RGP1: variants seen among roughly 807,000 people sequenced by gnomAD.
RGP1 encodes the protein RGP1 partner of RAB6A GEF complex.
A neutral mutation model predicts 44.5 loss-of-function variants in RGP1; 28 were observed. That is an observed-to-expected ratio of 0.63 (90% CI 0.47 to 0.86). The LOEUF is 0.86. Ranked by LOEUF, RGP1 falls within the 40% of genes least tolerant of loss-of-function variation. The pLI is 0.00. For missense variants in RGP1, 417 were observed against 490.7 expected, an observed-to-expected ratio of 0.85 and a Z score of 1.42; for synonymous variants, 212 against 196.7, an observed-to-expected ratio of 1.08 and a Z score of -0.65.
In RGP1 at chr9:35,751,288, C is replaced by G. The variant is rs1370517418; in HGVS notation, c.510C>G (p.Pro170=). ...VLTGLQDVRF[P]QDEAVAPSSP... Reference sequence around the variant, plus strand: ...TAGGCCTTCAGGATGTCCGGTTTCCCCAGGATGAGGCTGTAGCCCCATCCA... The same window carrying G: ...TAGGCCTTCAGGATGTCCGGTTTCCGCAGGATGAGGCTGTAGCCCCATCCA... Residue 170 remains proline, a synonymous_variant, in exon 6 of 9, where the codon CCC becomes CCG. Transcript: ENST00000378078. 6.2e-7 allele frequency: 1 copy of G among 1,613,942 alleles called. No homozygotes were observed. Among genetic ancestry groups the G allele is most frequent in the East Asian group, 2.2e-5 (1 of 44,886 alleles).
the RGP1 span, among the ~76,000 whole-genome samples, chr9:35,769,607 C>T: frequency 6.6e-6 from 1 of 152,078 alleles, no homozygotes; most frequent in Non-Finnish European, 1.5e-5. Flanking sequence ...GTGCTGTGAT[C>T]TAATAATGAT....
chr9:35,785,995 C>T, the RGP1 span, among the ~76,000 whole-genome samples: 2 of 152,182 alleles, frequency 1.3e-5, no homozygotes, highest in Non-Finnish European at 2.9e-5. Flanking sequence ...ACCAATCTTA[C>T]ATCGCCACTG....
the RGP1 span, among the ~76,000 whole-genome samples, chr9:35,764,165 GT>G: frequency 6.6e-6 from 1 of 152,056 alleles, no homozygotes; most frequent in Non-Finnish European, 1.5e-5. Flanking sequence ...GAAGTGAAGT[GT>G]TTTGTTTTCC....
chr9:35,775,686 T>C, the RGP1 span, among the ~76,000 whole-genome samples: 1 of 152,234 alleles, frequency 6.6e-6, no homozygotes, highest in Non-Finnish European at 1.5e-5. Context: ...TTTGGTCATA[T>C]ACTACTGATC....
chr9:35,787,310 A>C, the RGP1 span, among the ~76,000 whole-genome samples: 1 of 151,300 alleles, frequency 6.6e-6, no homozygotes, highest in Non-Finnish European at 1.5e-5. Context: ...GCTCACTGCA[A>C]CCTCCACCTC....
In RGP1 at chr9:35,753,581, C is replaced by T; in HGVS notation, c.*707C>T. 5 of 1,211,740 alleles carry T rather than the reference C, an allele frequency of 4.1e-6. No individual in the cohort carries two copies. Among genetic ancestry groups the T allele is most frequent in the Non-Finnish European group, 6.0e-6 (5 of 839,242 alleles). 75.1% of individuals were successfully genotyped at this position (1,211,740 alleles called of 1,614,324 possible). A position where few individuals can be genotyped will look rare whatever the true frequency, so the allele number is the denominator to read the frequency against. ...TGCTCTTCTGTTCATTCTTACATCA[C>T]AGCAATCTAGTCACTCCCTGGTCAT... On this transcript the variant is annotated 3_prime_UTR_variant, in exon 9 of 9. Coordinates refer to ENST00000378078, the MANE Select transcript of RGP1 (RefSeq NM_001080496.3). The surrounding 1 kb of genome is among the most constrained non-coding windows in gnomAD (Gnocchi z 4.2).
At chr9:35,760,974 C>G (rs921869103), downstream of RGP1, among the ~76,000 whole-genome samples, 1 of 152,228 alleles carries the variant, frequency 6.6e-6, no homozygotes, top group Non-Finnish European at 1.5e-5. Context: ...AGGGACTCAG[C>G]CATACTTCCT....
chr9:35,773,659 G>T, the RGP1 span, among the ~76,000 whole-genome samples: 1 of 151,888 alleles, frequency 6.6e-6, no homozygotes, highest in Non-Finnish European at 1.5e-5. Flanking sequence ...ATGCCACTAG[G>T]CCTGGCTAAT....
downstream of RGP1, among the ~76,000 whole-genome samples, chr9:35,762,904 TC>T (rs1308731770): frequency 6.6e-6 from 1 of 152,172 alleles, no homozygotes; most frequent in East Asian, 1.9e-4. Flanking sequence ...TTCAAGGTGT[TC>T]CTTTTATTGA....
At chr9:35,777,542 A>T in the RGP1 span, among the ~76,000 whole-genome samples, 3 of 151,630 alleles carry the variant, frequency 2.0e-5, no homozygotes, top group African/African-American at 7.3e-5. Flanking sequence ...CTGGTTTCAA[A>T]CTTTGGCCTC....
At chr9:35,765,580 G>A in the RGP1 span, among the ~76,000 whole-genome samples, 1 of 150,778 alleles carries the variant, frequency 6.6e-6, no homozygotes. Flanking sequence ...TCATCTGAGT[G>A]TAGGAGGCGG....
At chr9:35,768,536 G>GA in the RGP1 span, among the ~76,000 whole-genome samples, 1 of 152,132 alleles carries the variant, frequency 6.6e-6, no homozygotes, top group African/African-American at 2.4e-5. Context: ...ACCACACTCA[G>GA]AAAAAATAGT....
chr9:35,777,538 TC>T, the RGP1 span, among the ~76,000 whole-genome samples: 1 of 151,802 alleles, frequency 6.6e-6, no homozygotes, highest in Non-Finnish European at 1.5e-5. Context: ...CAGGCTGGTT[TC>T]AAACTTTGGC....
At chr9:35,772,279 G>A in the RGP1 span, 6 of 152,226 alleles carry the variant, frequency 3.9e-5, no homozygotes, top group African/African-American at 1.4e-4. Context: ...GGGGAGCTTC[G>A]AGCTCAGAGG....
rs1481715207 is a variant in RGP1, at chr9:35,749,342, A to C, written c.-86A>C. 1 of 535,368 alleles carries C rather than the reference A, an allele frequency of 1.9e-6. No homozygotes were observed. Among genetic ancestry groups the C allele is most frequent in the Admixed American group, 2.0e-5 (1 of 51,228 alleles). The allele number at this position is 535,368 out of a possible 1,614,324, so 33.2% of individuals were successfully genotyped here. A position where few individuals can be genotyped will look rare whatever the true frequency, so the allele number is the denominator to read the frequency against. ...CCGCCGCCGCCGCCGCCGCGTACCT[A>C]GCCAGGTCCCTGAGGGGCGGGCAGA... On this transcript the variant is annotated 5_prime_UTR_variant, in exon 1 of 9. Transcript: ENST00000378078. This position sits in a 1 kb window ranked among gnomAD's most constrained non-coding sequence, Gnocchi z 4.4.
the RGP1 span, among the ~76,000 whole-genome samples, chr9:35,769,632 A>T: frequency 6.6e-6 from 1 of 152,196 alleles, no homozygotes; most frequent in Non-Finnish European, 1.5e-5. Context: ...AGGTAATCAG[A>T]TGAAAAGTCG....
Position 35,752,847 on chromosome 9 carries a change from C to A in RGP1, c.1149C>A (p.Gly383=). ...CCCTGGCCTCATATGCTGCCCCAGG[C>A]CCCAGCACCAGCACCATAACCATCT... ...SPTLASYAAP[G]PSTSTITI Residue 383 remains glycine, a synonymous_variant, in exon 9 of 9, where the codon GGC becomes GGA. Transcript: ENST00000378078. 6.2e-7 allele frequency: 1 copy of A among 1,613,788 alleles called. No homozygotes were observed. The highest frequency in any genetic ancestry group is 1.3e-5 in the African/African-American group (1 of 75,006).
At chr9:35,782,762 T>C in the RGP1 span, among the ~76,000 whole-genome samples, 2 of 151,056 alleles carry the variant, frequency 1.3e-5, no homozygotes, top group Non-Finnish European at 2.9e-5. Flanking sequence ...AACAGACTTT[T>C]AACTATTTTA....
downstream of RGP1, among the ~76,000 whole-genome samples, chr9:35,760,690 G>T (rs565956921): frequency 8.5e-5 from 13 of 152,282 alleles, no homozygotes; most frequent in South Asian, 2.7e-3. Context: ...AGAACCCAGA[G>T]ATCTGATTTT....
Sources: gnomAD v4.1 joint callset for allele counts (sites outside exome capture counted in the v4.1 genomes callset) on GRCh38, gnomAD v4.1.1 for gene constraint, Gnocchi (gnomAD v3.1) non-coding constraint, MANE v1.5 for transcripts, NCBI Gene and HGNC (gene_info 2026-07-23, HGNC 2026-07-21) for gene names.